THRAP3: variants seen among roughly 807,000 people sequenced by gnomAD.
THRAP3 encodes the protein thyroid hormone receptor-associated protein 3.
Under a neutral mutation model 101.0 loss-of-function variants are expected in THRAP3, and 16 were observed. The observed-to-expected ratio is 0.16, with a 90% confidence interval of 0.11 to 0.24. The LOEUF (loss-of-function observed/expected upper bound fraction) is 0.24, where lower values mean the gene tolerates loss of function less well. Ranked by LOEUF, THRAP3 falls within the 10% of genes least tolerant of loss-of-function variation. The pLI, the probability that THRAP3 is intolerant of heterozygous loss-of-function variation, is 1.00. For synonymous variants in THRAP3, 407 were observed against 422.6 expected (o/e 0.96, Z 0.45); for missense variants, 989 against 1,202.7 (o/e 0.82, Z 2.63).
chr1:36,282,629 T>G lies in THRAP3; in HGVS notation c.66T>G (p.Ser22=), dbSNP rs202016246. The change falls in exon 3 of 12, where the codon TCT becomes TCG. Residue 22 remains serine (S), a synonymous_variant. Transcript: ENST00000354618. ...RSSRSRSASR[S]RSRSFSKSRS... ...CTCGCTCAAGATCTGCATCAAGATC[T>G]CGTTCTCGTTCATTTTCGAAGTCTC... 8 of 1,614,164 alleles carry G rather than the reference T, an allele frequency of 5.0e-6. No homozygotes were observed. The highest frequency in any genetic ancestry group is 6.8e-6 in the Non-Finnish European group (8 of 1,180,020).
chr1:36,220,739 A>G (rs1333107656), upstream of THRAP3, among the ~76,000 whole-genome samples: 1 of 151,970 alleles, frequency 6.6e-6, no homozygotes, highest in Non-Finnish European at 1.5e-5. Context: ...GGATCACCTG[A>G]GGTGAGGAGT....
At position 36,289,144 on chromosome 1, in the gene THRAP3, A is replaced by G. The variant is rs1199976026; in HGVS notation, c.1125A>G (p.Lys375=). Reference sequence around the variant, plus strand: ...CCGATAAAGAAAAAATAAAAGAGAAAGGGAGCTTCTCTGACACAGGCTTGG... The same window carrying G: ...CCGATAAAGAAAAAATAAAAGAGAAGGGGAGCTTCTCTGACACAGGCTTGG... The part of the protein sequence containing the change: ...TNTDKEKIKE[K]GSFSDTGLGD... The change falls in exon 5 of 12, where the codon AAA becomes AAG. Residue 375 remains lysine (K), a synonymous_variant. Transcript: ENST00000354618. 2 of 1,613,002 alleles carry G rather than the reference A, an allele frequency of 1.2e-6. No individual in the cohort carries two copies. The highest frequency in any genetic ancestry group is 2.7e-5 in the African/African-American group (2 of 74,794).
intron 1 of THRAP3, among the ~76,000 whole-genome samples, chr1:36,243,571 A>G (rs1452281445): frequency 6.6e-6 from 1 of 152,178 alleles, no homozygotes; most frequent in Non-Finnish European, 1.5e-5. Flanking sequence ...GCACAGAACA[A>G]AATGAAAAGT....
intron 9 of THRAP3, among the ~76,000 whole-genome samples, chr1:36,300,429 T>C (rs1182488756): frequency 2.0e-5 from 3 of 152,226 alleles, no homozygotes; most frequent in Non-Finnish European, 2.9e-5. Flanking sequence ...ACAGTGTTTA[T>C]TTAGAGAACC....
chr1:36,287,312 A>G, intron 4 of THRAP3, 42 bp downstream of exon 4: 2 of 1,529,904 alleles, frequency 1.3e-6, no homozygotes, highest in South Asian at 1.3e-5. Flanking sequence ...TTTTTATCTC[A>G]CTAGCTGGCA....
the THRAP3 span, among the ~76,000 whole-genome samples, chr1:36,212,063 C>T: frequency 1.3e-5 from 2 of 152,186 alleles, no homozygotes; most frequent in African/African-American, 4.8e-5. Context: ...GTGGCTGAAT[C>T]CAAGAGCTTA....
chr1:36,231,774 G>T (rs1403090887), intron 1 of THRAP3, among the ~76,000 whole-genome samples: 2 of 152,198 alleles, frequency 1.3e-5, no homozygotes, highest in Admixed American at 1.3e-4. Context: ...CTTCACAGAA[G>T]ATGGTCCCAG....
intron 9 of THRAP3, among the ~76,000 whole-genome samples, chr1:36,300,354 G>A (rs1646016965): frequency 6.6e-6 from 1 of 152,152 alleles, no homozygotes; most frequent in Non-Finnish European, 1.5e-5. Flanking sequence ...TAAAATGAGG[G>A]AAATAATACT....
At chr1:36,261,255 G>T (rs369223635) in intron 2 of THRAP3, among the ~76,000 whole-genome samples, 1 of 151,754 alleles carries the variant, frequency 6.6e-6, no homozygotes. Context: ...AAATTAGGCC[G>T]GGTGCGGTGG....
At chr1:36,212,228 G>C in the THRAP3 span, among the ~76,000 whole-genome samples, 1 of 152,084 alleles carries the variant, frequency 6.6e-6, no homozygotes. Flanking sequence ...CCAGGAGAAA[G>C]AGAGGGCCCT....
chr1:36,226,104 A>G (rs1183239273), intron 1 of THRAP3, among the ~76,000 whole-genome samples: 1 of 152,204 alleles, frequency 6.6e-6, no homozygotes, highest in East Asian at 1.9e-4. Context: ...ATATATAGGT[A>G]CTTTTAAATT....
At chr1:36,240,221 A>G (rs1157361502) in intron 1 of THRAP3, among the ~76,000 whole-genome samples, 1 of 152,168 alleles carries the variant, frequency 6.6e-6, no homozygotes. Context: ...AGCTGGGGAA[A>G]GAGAGAAGCT....
chr1:36,294,127 G>GA (rs1645916451), intron 8 of THRAP3, 192 bp downstream of exon 8: 1 of 1,368,486 alleles, frequency 7.3e-7, no homozygotes, highest in East Asian at 2.6e-5. Flanking sequence ...GAAGTGGTTA[G>GA]AATATGGTAA....
intron 1 of THRAP3, among the ~76,000 whole-genome samples, chr1:36,247,124 C>G (rs1199209555): frequency 4.6e-5 from 7 of 151,922 alleles, no homozygotes; most frequent in Admixed American, 2.0e-4. Context: ...CCAGACCAGC[C>G]TGGTCAACAT....
chr1:36,251,848 G>T (rs1645304644), intron 1 of THRAP3, among the ~76,000 whole-genome samples: 1 of 152,084 alleles, frequency 6.6e-6, no homozygotes, highest in African/African-American at 2.4e-5. Flanking sequence ...TATAGATAAG[G>T]GACCACAGAT....
intron 8 of THRAP3, among the ~76,000 whole-genome samples, chr1:36,295,180 G>A (rs1309923470): frequency 1.4e-5 from 2 of 142,726 alleles, no homozygotes; most frequent in Non-Finnish European, 3.0e-5. Context: ...CCAAGATCCC[G>A]CCATTGTACT....
At chr1:36,215,255 T>C in the THRAP3 span, among the ~76,000 whole-genome samples, 1 of 152,076 alleles carries the variant, frequency 6.6e-6, no homozygotes, top group African/African-American at 2.4e-5. Flanking sequence ...AACCTTTTAA[T>C]GGTTTCCCAT....
intron 1 of THRAP3, among the ~76,000 whole-genome samples, chr1:36,255,923 T>C (rs1435405293): frequency 6.6e-6 from 1 of 152,160 alleles, no homozygotes; most frequent in Admixed American, 6.5e-5. Context: ...GGAAACTATA[T>C]CGTCGTTTAA....
At chr1:36,297,407 C>T (rs1368306696) in intron 9 of THRAP3, among the ~76,000 whole-genome samples, 1 of 150,758 alleles carries the variant, frequency 6.6e-6, no homozygotes, top group Non-Finnish European at 1.5e-5. Context: ...TGGTAAGAAG[C>T]AACACTTCTG....
Sources: allele counts gnomAD v4.1 joint callset (sites outside exome capture counted in the v4.1 genomes callset), GRCh38; gene constraint gnomAD v4.1.1; transcripts MANE v1.5; gene names NCBI Gene and HGNC (gene_info 2026-07-23, HGNC 2026-07-21).